Variants in SOS1 observed in about 807,000 individuals in gnomAD.
SOS1 encodes SOS Ras/Rac guanine nucleotide exchange factor 1.
SOS1 carries 25 observed loss-of-function variants against 157.6 expected under a neutral mutation model. The ratio of observed to expected loss-of-function variants is 0.16; its 90% CI spans 0.12 to 0.22. The LOEUF is 0.22. Ranked by LOEUF, SOS1 falls within the 10% of genes least tolerant of loss-of-function variation. SOS1 has a pLI of 1.00. For synonymous variants in SOS1, 528 were observed against 534.0 expected (o/e 0.99, Z 0.16); for missense variants, 1,237 against 1,599.1 (o/e 0.77, Z 3.86).
rs138343013 is a variant in SOS1, at chr2:39,045,273, A to AGAGAGAGAGAGT, written c.864+5870_864+5871insACTCTCTCTCTC. Among the ~76,000 whole-genome samples the AGAGAGAGAGAGT allele has an allele frequency of 8.3e-5, 9 of 108,090 alleles. No individual in the cohort carries two copies. The South Asian group carries it at 1.3e-3, about 16-fold the overall frequency. The allele number at this position is 108,090 out of a possible 152,430, so 70.9% of individuals were successfully genotyped here. ...GAGAGAGAGAGAGAGAGAGAGAGAG[A>AGAGAGAGAGAGT]GTGTGTGTGTGTGTGTGTGTGTGTG... On this transcript the variant is annotated intron_variant, in intron 6 of 22. Coordinates refer to ENST00000402219, the MANE Select transcript of SOS1 (RefSeq NM_005633.4).
At chr2:39,045,401 A>G (rs1249652799) in intron 6 of SOS1, among the ~76,000 whole-genome samples, 1 of 151,292 alleles carries the variant, frequency 6.6e-6, no homozygotes, top group East Asian at 1.9e-4. Flanking sequence ...TATGATAGCA[A>G]TTTTTTTCAT....
intron 1 of SOS1, among the ~76,000 whole-genome samples, chr2:39,079,591 T>C (rs1672133427): frequency 7.0e-6 from 1 of 143,630 alleles, no homozygotes; most frequent in African/African-American, 2.6e-5. Flanking sequence ...ACCTCCTGGG[T>C]TCAAGCAATT....
intron 1 of SOS1, among the ~76,000 whole-genome samples, chr2:39,109,102 G>C (rs1673317139): frequency 6.6e-6 from 1 of 152,150 alleles, no homozygotes; most frequent in African/African-American, 2.4e-5. Flanking sequence ...AGAAGGCTAA[G>C]GTGGGAGGAT....
In SOS1 at chr2:39,065,855, C is replaced by T. The variant is rs138240823; in HGVS notation, c.213+1773G>A. On this transcript the variant is annotated intron_variant, in intron 2 of 22. Transcript: ENST00000402219. ...ATGATTCAACAGTGAACAACAACAA[C>T]AAAAATTCCCTGGAGCTTACATTCT... Among the ~76,000 whole-genome samples the T allele has an allele frequency of 3.7e-3, 561 of 152,196 alleles. 5 individuals are homozygous for T. The highest frequency in any genetic ancestry group is 0.013 in the African/African-American group (531 of 41,536).
chr2:39,024,595 G>A (rs1348314001), intron 8 of SOS1, among the ~76,000 whole-genome samples: 2 of 151,932 alleles, frequency 1.3e-5, no homozygotes, highest in Admixed American at 6.6e-5. Context: ...ATGCAATATA[G>A]TAGAAGGAAT....
chr2:38,996,032 C>T (rs1409042150), intron 19 of SOS1, among the ~76,000 whole-genome samples: 1 of 151,974 alleles, frequency 6.6e-6, no homozygotes, highest in African/African-American at 2.4e-5. Context: ...AATTAAAAGA[C>T]ATTATGTGAT....
At chr2:39,106,664 T>C (rs1038209379) in intron 1 of SOS1, among the ~76,000 whole-genome samples, 1 of 151,976 alleles carries the variant, frequency 6.6e-6, no homozygotes, top group Non-Finnish European at 1.5e-5. Context: ...TTAAATTACT[T>C]ATTTTCCCAT....
chr2:39,058,091 T>A (rs1349815853), intron 3 of SOS1, among the ~76,000 whole-genome samples: 1 of 152,114 alleles, frequency 6.6e-6, no homozygotes, highest in Non-Finnish European at 1.5e-5. Context: ...ATTATTATAA[T>A]ACCTATATTT....
At position 39,059,745 on chromosome 2, in the gene SOS1, G is replaced by A. The variant is rs533691147; in HGVS notation, c.214-941C>T. Among the ~76,000 whole-genome samples, 3 of 152,230 alleles carry A rather than the reference G, an allele frequency of 2.0e-5. No homozygotes were observed. In the East Asian group the frequency reaches 5.8e-4, roughly 29 times the overall value. On this transcript the variant is annotated intron_variant, in intron 2 of 22. Coordinates refer to ENST00000402219, the MANE Select transcript of SOS1 (RefSeq NM_005633.4). Reference sequence around the variant, plus strand: ...TGCCCTTGGTGGTGAGGGAGGGGTGGAGAACACAATGATTCTTGGAAATCT... The same window carrying A: ...TGCCCTTGGTGGTGAGGGAGGGGTGAAGAACACAATGATTCTTGGAAATCT...
intron 6 of SOS1, among the ~76,000 whole-genome samples, chr2:39,047,592 A>G (rs375995154): frequency 3.9e-5 from 6 of 152,160 alleles, no homozygotes; most frequent in South Asian, 4.1e-4. Context: ...TCTTTTGCCT[A>G]TTTTCTGAAA....
intron 6 of SOS1, among the ~76,000 whole-genome samples, chr2:39,044,627 T>C (rs1202068353): frequency 6.6e-6 from 1 of 152,194 alleles, no homozygotes; most frequent in Non-Finnish European, 1.5e-5. Flanking sequence ...GATCCACTTA[T>C]ATGCAGATTT....
At chr2:39,101,104 T>A (rs1672950629) in intron 1 of SOS1, among the ~76,000 whole-genome samples, 1 of 152,214 alleles carries the variant, frequency 6.6e-6, no homozygotes, top group Non-Finnish European at 1.5e-5. Flanking sequence ...TAGCATCTGC[T>A]TCTGGTAAGG....
At chr2:39,048,451 A>G (rs1237057325) in intron 6 of SOS1, among the ~76,000 whole-genome samples, 1 of 150,836 alleles carries the variant, frequency 6.6e-6, no homozygotes, top group East Asian at 2.0e-4. Context: ...CCCAGTCTGG[A>G]GTACAGTGGC....
intron 1 of SOS1, among the ~76,000 whole-genome samples, chr2:39,078,657 A>G (rs1672098396): frequency 6.6e-6 from 1 of 152,126 alleles, no homozygotes; most frequent in South Asian, 2.1e-4. Context: ...TAGGTTGCAC[A>G]CCTTATGAGA....
chr2:39,079,892 G>A, intron 1 of SOS1, among the ~76,000 whole-genome samples: 1 of 152,002 alleles, frequency 6.6e-6, no homozygotes, highest in Admixed American at 6.6e-5. Context: ...TGAGGGACTG[G>A]TTTTGTGGAA....
intron 10 of SOS1, among the ~76,000 whole-genome samples, chr2:39,021,414 G>A (rs1669791329): frequency 6.7e-6 from 1 of 149,526 alleles, no homozygotes; most frequent in African/African-American, 2.4e-5. Flanking sequence ...ACTCAATCAA[G>A]TCTTACAGAA....
intron 6 of SOS1, among the ~76,000 whole-genome samples, chr2:39,039,760 A>G (rs1434589300): frequency 1.3e-5 from 2 of 152,162 alleles, no homozygotes; most frequent in Non-Finnish European, 2.9e-5. Flanking sequence ...ATCATAATCT[A>G]TTTTGGAATA....
chr2:39,058,645 A>C lies in SOS1; in HGVS notation c.345+28T>G, dbSNP rs759452644. ...TGGTGGGTTTTATTTTTCCCTTAAA[A>C]GGCAAGAAGGCAGTAGTTCAGCATT... On this transcript the variant is annotated intron_variant, in intron 3 of 22. Coordinates refer to ENST00000402219, the MANE Select transcript of SOS1 (RefSeq NM_005633.4). 3.7e-6 allele frequency: 6 copies of C among 1,608,254 alleles called. No individual in the cohort carries two copies. The South Asian group carries it at 6.6e-5, about 18-fold the overall frequency.
intron 17 of SOS1, among the ~76,000 whole-genome samples, chr2:38,999,726 G>A (rs939100983): frequency 6.6e-6 from 1 of 152,208 alleles, no homozygotes; most frequent in Admixed American, 6.5e-5. Flanking sequence ...GAGTATGCAT[G>A]CTCAATGGCA....
Sources: gnomAD v4.1 joint callset for allele counts (sites outside exome capture counted in the v4.1 genomes callset) on GRCh38, gnomAD v4.1.1 for gene constraint, MANE v1.5 for transcripts, NCBI Gene and HGNC (gene_info 2026-07-23, HGNC 2026-07-21) for gene names.